The following PCDHGA2 variants were observed in gnomAD, a reference collection of about 807,000 sequenced individuals.
PCDHGA2 encodes protocadherin gamma subfamily A, 2.
A neutral mutation model predicts 59.2 loss-of-function variants in PCDHGA2; 40 were observed. That is an observed-to-expected ratio of 0.68 (90% CI 0.52 to 0.88). The LOEUF (loss-of-function observed/expected upper bound fraction) is 0.88. Ranked by LOEUF, PCDHGA2 falls within the 40% of genes least tolerant of loss-of-function variation. The pLI, the probability that PCDHGA2 is intolerant of heterozygous loss-of-function variation, is 0.00. For missense variants in PCDHGA2, 1,226 were observed against 1,204.0 expected (o/e 1.02, Z -0.27); for synonymous variants, 560 against 526.0 (o/e 1.06, Z -0.89).
In PCDHGA2 at chr5:141,395,138, C is replaced by T. The variant is rs147992300; in HGVS notation, c.2424+53743C>T. 1,238 of 1,614,204 alleles carry T rather than the reference C, an allele frequency of 7.7e-4. 19 individuals are homozygous for T. In the East Asian group the frequency reaches 0.018, roughly 24 times the overall value. On this transcript the variant is annotated intron_variant, in intron 1 of 3. Transcript: ENST00000394576. ...ACCTGATCTTTCCCCAGCCCAACTA[C>T]GCAGACATGCTCATCAGTCAGGAGG...
chr5:141,343,744 G>C (rs1453095219), intron 1 of PCDHGA2: 2 of 323,316 alleles, frequency 6.2e-6, no homozygotes, highest in Non-Finnish European at 1.1e-5. Context: ...ATAATAATGT[G>C]TCTGAGAGGA....
At chr5:141,450,642 A>C (rs2098688710) in intron 1 of PCDHGA2, among the ~76,000 whole-genome samples, 1 of 151,504 alleles carries the variant, frequency 6.6e-6, no homozygotes, top group Non-Finnish European at 1.5e-5. Context: ...GCCTGCCACC[A>C]TGCCTGGCTA....
intron 1 of PCDHGA2, chr5:141,413,132 A>C (rs1313665743): frequency 1.3e-6 from 2 of 1,542,144 alleles, no homozygotes; most frequent in Admixed American, 4.0e-5. Context: ...GAAACACACA[A>C]CGTGTCCAGT....
At chr5:141,424,540 T>G (rs944656560) in intron 1 of PCDHGA2, 1 of 152,244 alleles carries the variant, frequency 6.6e-6, no homozygotes, top group Admixed American at 6.5e-5. Flanking sequence ...TAGAAATAAC[T>G]TGATTTTGAT....
At chr5:141,414,870 G>T in intron 1 of PCDHGA2, 1 of 1,614,224 alleles carries the variant, frequency 6.2e-7, no homozygotes, top group Non-Finnish European at 8.5e-7. Flanking sequence ...ATGCGCCCGA[G>T]ATCCTGTACC....
At chr5:141,370,208 G>T (rs1418210186) in intron 1 of PCDHGA2, 3 of 550,220 alleles carry the variant, frequency 5.5e-6, no homozygotes, top group African/African-American at 1.9e-5. Flanking sequence ...CAAAATATTG[G>T]CTCCTCCCGC....
intron 1 of PCDHGA2, chr5:141,352,565 G>C (rs1190505525): frequency 6.2e-7 from 1 of 1,613,802 alleles, no homozygotes; most frequent in African/African-American, 1.3e-5. Flanking sequence ...CCTGACACCG[G>C]AAATGGCTCC....
At chr5:141,434,035 T>C (rs2154556047) in intron 1 of PCDHGA2, among the ~76,000 whole-genome samples, 1 of 152,316 alleles carries the variant, frequency 6.6e-6, no homozygotes, top group Non-Finnish European at 1.5e-5. Flanking sequence ...AAGCATGGTT[T>C]TCTATTTTAT....
intron 1 of PCDHGA2, chr5:141,409,913 G>C (rs769370742): frequency 1.9e-6 from 3 of 1,613,334 alleles, no homozygotes; most frequent in East Asian, 2.2e-5. Flanking sequence ...GGGTCCTGAC[G>C]GCTCCGCGTT....
At chr5:141,434,070 T>C (rs1004240895) in intron 1 of PCDHGA2, among the ~76,000 whole-genome samples, 3 of 152,226 alleles carry the variant, frequency 2.0e-5, no homozygotes, top group Non-Finnish European at 2.9e-5. Context: ...TCTGTTAATA[T>C]CAATTATTTA....
rs1369821635 is a variant in PCDHGA2, at chr5:141,512,208, G to T, written c.*1035G>T. ...TTCAGTCCAAGGAAGCTCGAAGCAG[G>T]TTTAGGACCAGGTCCCCTTGAGAGG... On this transcript the variant is annotated 3_prime_UTR_variant, in exon 4 of 4. Coordinates refer to ENST00000394576, the MANE Select transcript of PCDHGA2 (RefSeq NM_018915.4). 6.5e-6 allele frequency: 1 copy of T among 152,758 alleles called. No homozygotes were observed. The highest frequency in any genetic ancestry group is 2.4e-5 in the African/African-American group (1 of 41,454). The allele number at this position is 152,758 out of a possible 1,614,324, so 9.5% of individuals were successfully genotyped here.
At chr5:141,420,064 C>T (rs1204112062) in intron 1 of PCDHGA2, 1 of 1,614,052 alleles carries the variant, frequency 6.2e-7, no homozygotes, top group Non-Finnish European at 8.5e-7. Context: ...GCTCCAAGTC[C>T]GGACCTGTGG....
intron 1 of PCDHGA2, among the ~76,000 whole-genome samples, chr5:141,368,964 A>G (rs531722915): frequency 3.9e-5 from 6 of 152,320 alleles, no homozygotes; most frequent in African/African-American, 1.4e-4. Flanking sequence ...TTAAGATGCT[A>G]TAATGCTTTT....
chr5:141,341,557 A>T (rs1328770770), intron 1 of PCDHGA2, 162 bp downstream of exon 1: 1 of 1,340,508 alleles, frequency 7.5e-7, no homozygotes, highest in Non-Finnish European at 1.0e-6. Context: ...TAGTGTTCAC[A>T]GGCTGTAAGA....
At chr5:141,465,032 A>C (rs2154568703) in intron 1 of PCDHGA2, among the ~76,000 whole-genome samples, 1 of 151,870 alleles carries the variant, frequency 6.6e-6, no homozygotes, top group Admixed American at 6.6e-5. Context: ...ATGAACCACC[A>C]CAAATGACCC....
chr5:141,393,932 C>T (rs758815375), intron 1 of PCDHGA2: 1 of 1,613,916 alleles, frequency 6.2e-7, no homozygotes, highest in East Asian at 2.2e-5. Context: ...GTGTGCATGA[C>T]CAAGACTCTG....
intron 1 of PCDHGA2, chr5:141,409,341 G>A (rs753232321): frequency 1.9e-6 from 3 of 1,613,976 alleles, no homozygotes; most frequent in Non-Finnish European, 2.5e-6. Flanking sequence ...GGAGGAAATG[G>A]AGAAGTCAGG....
chr5:141,360,445 C>T (rs1253448702), intron 1 of PCDHGA2: 5 of 1,613,934 alleles, frequency 3.1e-6, no homozygotes, highest in Non-Finnish European at 3.4e-6. Flanking sequence ...TCTGTGTGTT[C>T]TGGATTTCGA....
At chr5:141,446,894 A>C (rs1413761456) in intron 1 of PCDHGA2, among the ~76,000 whole-genome samples, 3 of 152,118 alleles carry the variant, frequency 2.0e-5, no homozygotes, top group Non-Finnish European at 2.9e-5. Flanking sequence ...TTCATGGCTG[A>C]GCTACTTTTG....
Sources: allele counts gnomAD v4.1 joint callset (sites outside exome capture counted in the v4.1 genomes callset), GRCh38; gene constraint gnomAD v4.1.1; transcripts MANE v1.5; gene names NCBI Gene and HGNC (gene_info 2026-07-23, HGNC 2026-07-21).